Variants in TP53I11 observed in about 807,000 individuals in gnomAD.
TP53I11 encodes the protein tumor protein p53 inducible protein 11.
Under a neutral mutation model 23.3 loss-of-function variants are expected in TP53I11, and 9 were observed. That is an observed-to-expected ratio of 0.39 (90% CI 0.23 to 0.67). The LOEUF (loss-of-function observed/expected upper bound fraction) is 0.67. Among genes scored for constraint, TP53I11 ranks in the 30% least tolerant of loss-of-function variants. The probability of loss-of-function intolerance (pLI) is 0.48; values close to 1 mark genes in which losing one functional copy is unlikely to be tolerated. For synonymous variants in TP53I11, 100 were observed against 106.1 expected, an observed-to-expected ratio of 0.94 and a Z score of 0.35; for missense variants, 170 against 255.2, an observed-to-expected ratio of 0.67 and a Z score of 2.27.
intron 1 of TP53I11, among the ~76,000 whole-genome samples, chr11:44,939,961 C>T (rs532560555): frequency 2.6e-5 from 4 of 152,358 alleles, no homozygotes; most frequent in East Asian, 3.9e-4. Context: ...GTTAATGCTT[C>T]GGTGTGTGCC....
intron 1 of TP53I11, among the ~76,000 whole-genome samples, chr11:44,943,970 C>G (rs1408562658): frequency 6.6e-6 from 1 of 152,140 alleles, no homozygotes; most frequent in East Asian, 1.9e-4. Flanking sequence ...CACATGGAAG[C>G]TGGTGGCATA....
intron 1 of TP53I11, among the ~76,000 whole-genome samples, chr11:44,949,372 C>A (rs1336593105): frequency 6.6e-6 from 1 of 152,102 alleles, no homozygotes; most frequent in Non-Finnish European, 1.5e-5. Flanking sequence ...GACTTCTCCC[C>A]GCAGGCCCGC....
chr11:44,946,532 G>A (rs140248190), intron 1 of TP53I11, among the ~76,000 whole-genome samples: 8 of 152,346 alleles, frequency 5.3e-5, no homozygotes, highest in East Asian at 1.9e-4. Context: ...CGCAGGATGC[G>A]AGTCCCGTGG....
chr11:44,937,735 G>A, intron 2 of TP53I11, 122 bp from the exon 3 acceptor site: 1 of 981,462 alleles, frequency 1.0e-6, no homozygotes, highest in Non-Finnish European at 1.5e-6. Flanking sequence ...TTGGCCAAAG[G>A]TTCCCCCAGG....
In TP53I11 at chr11:44,934,358, G is replaced by A; in HGVS notation, c.*526C>T. ...GTTGTGTGTCTGTGTGTGTTTTCAG[G>A]GTGTGCATGTGGAGAGGGCCAGATT... On this transcript the variant is annotated 3_prime_UTR_variant, in exon 7 of 7. Transcript: ENST00000525680. 1 of 171,566 alleles carries A rather than the reference G, an allele frequency of 5.8e-6. No individual in the cohort carries two copies. The highest frequency in any genetic ancestry group is 1.3e-5 in the Non-Finnish European group (1 of 78,040). 10.6% of individuals were successfully genotyped at this position (171,566 alleles called of 1,614,324 possible).
Position 44,934,790 on chromosome 11 carries a change from G to A in TP53I11, c.*94C>T. The A allele has an allele frequency of 6.4e-7, 1 of 1,555,642 alleles. No individual in the cohort carries two copies. Among genetic ancestry groups the A allele is most frequent in the Non-Finnish European group, 8.7e-7 (1 of 1,146,842 alleles). On this transcript the variant is annotated 3_prime_UTR_variant, in exon 7 of 7. Transcript: ENST00000525680. The stretch of plus-strand genomic sequence containing the variant: ...CCTGGGGCAGGACTGGGGCAGGGCA[G>A]GGGACCCTCCTGCCTTCCAGGAGCC...
At position 44,936,743 on chromosome 11, in the gene TP53I11, C is replaced by A; in HGVS notation, c.334+60G>T. The A allele has an allele frequency of 6.9e-7, 1 of 1,455,118 alleles. No individual in the cohort carries two copies. Among genetic ancestry groups the A allele is most frequent in the South Asian group, 1.4e-5 (1 of 70,230 alleles). 90.1% of individuals were successfully genotyped at this position (1,455,118 alleles called of 1,614,324 possible). A position where few individuals can be genotyped will look rare whatever the true frequency, so the allele number is the denominator to read the frequency against. On this transcript the variant is annotated intron_variant, in intron 5 of 6. Coordinates refer to ENST00000525680, the MANE Select transcript of TP53I11 (RefSeq NM_006034.5). This position sits in a 1 kb window ranked among gnomAD's most constrained non-coding sequence, Gnocchi z 4.4. ...GCACGGACCCCCGTGCTCTCCTCAG[C>A]CCCGCTGGGTCTCCCAGCTGCCCGT...
chr11:44,945,009 G>A (rs1021032035), intron 1 of TP53I11, among the ~76,000 whole-genome samples: 2 of 152,224 alleles, frequency 1.3e-5, no homozygotes, highest in Non-Finnish European at 1.5e-5. Context: ...TGCCCGTGAG[G>A]GCTGGCTTAG....
intron 1 of TP53I11, among the ~76,000 whole-genome samples, chr11:44,945,574 CG>C (rs1332333348): frequency 1.3e-5 from 2 of 152,030 alleles, no homozygotes; most frequent in Non-Finnish European, 2.9e-5. Context: ...CCCTGGTGGT[CG>C]CCAGCATCTG....
At chr11:44,946,339 G>C (rs1437226029) in intron 1 of TP53I11, among the ~76,000 whole-genome samples, 1 of 152,212 alleles carries the variant, frequency 6.6e-6, no homozygotes, top group Non-Finnish European at 1.5e-5. Context: ...CATCCCTCGA[G>C]AGCATCATTA....
chr11:44,940,833 A>G (rs1286997076), intron 1 of TP53I11: 1 of 152,200 alleles, frequency 6.6e-6, no homozygotes, highest in Non-Finnish European at 1.5e-5. Flanking sequence ...TGTTTCCCAG[A>G]GCAGCCATGC....
At position 44,937,592 on chromosome 11, in the gene TP53I11, C is replaced by A; in HGVS notation, c.151G>T (p.Glu51Ter). Residue 51 changes from glutamate (E) to a stop codon, truncating the protein, a stop_gained, in exon 3 of 7, where the codon GAA becomes TAA. Coordinates refer to ENST00000525680, the MANE Select transcript of TP53I11 (RefSeq NM_006034.5). LOFTEE classifies it high-confidence loss of function. ...GGCTCCCGAATGGTAAACTTGATTTCATTGCCTAAGACCTGGCTGATCTGT... is the reference window on the plus strand; with the variant it reads ...GGCTCCCGAATGGTAAACTTGATTTAATTGCCTAAGACCTGGCTGATCTGT... ...RSKISQVLGN[E>*]IKFTIREPLG... 6.2e-7 allele frequency: 1 copy of A among 1,613,692 alleles called. No homozygotes were observed. Among genetic ancestry groups the A allele is most frequent in the South Asian group, 1.1e-5 (1 of 91,022 alleles).
intron 1 of TP53I11, among the ~76,000 whole-genome samples, chr11:44,942,852 G>A (rs1308155871): frequency 1.3e-5 from 2 of 152,144 alleles, no homozygotes; most frequent in Non-Finnish European, 2.9e-5. Context: ...GCCCTGCAAT[G>A]ATCAGATCCA....
Position 44,936,819 on chromosome 11 carries a change from G to A in TP53I11, c.318C>T (p.Tyr106=), listed in dbSNP as rs759217961. ...AGTACTCACTGAGGAGGGCACCGCC[G>A]TAGAGGCGGATGGGGGTCTTGCTGG... The part of the protein sequence containing the change: ...QVTSKTPIRL[Y]GGALLSISLI... The change falls in exon 5 of 7, where the codon TAC becomes TAT. Residue 106 remains tyrosine, a synonymous_variant. Transcript: ENST00000525680. This position sits in a 1 kb window ranked among gnomAD's most constrained non-coding sequence, Gnocchi z 4.4. 3.7e-6 allele frequency: 6 copies of A among 1,604,154 alleles called. No individual in the cohort carries two copies. The highest frequency in any genetic ancestry group is 3.5e-4 in the Middle Eastern group (2 of 5,744).
chr11:44,945,924 A>T (rs1862349983), intron 1 of TP53I11, among the ~76,000 whole-genome samples: 1 of 152,096 alleles, frequency 6.6e-6, no homozygotes, highest in South Asian at 2.1e-4. Flanking sequence ...GAGTCTAGAG[A>T]TCCCCTAGCC....
In TP53I11 at chr11:44,934,858, G is replaced by A. The variant is rs780633802; in HGVS notation, c.*26C>T. On this transcript the variant is annotated 3_prime_UTR_variant, in exon 7 of 7. Coordinates refer to ENST00000525680, the MANE Select transcript of TP53I11 (RefSeq NM_006034.5). ...CCAGCGCCACTCTGGCCCAGGCATG[G>A]GCAGGGCCCCAGGCCCAGCGGGCAA... 6.2e-7 allele frequency: 1 copy of A among 1,613,480 alleles called. No individual in the cohort carries two copies. Among genetic ancestry groups the A allele is most frequent in the South Asian group, 1.1e-5 (1 of 91,080 alleles).
intron 2 of TP53I11, 40 bp downstream of exon 2, chr11:44,938,167 C>T (rs1368981318): frequency 1.3e-6 from 2 of 1,591,098 alleles, no homozygotes; most frequent in East Asian, 2.3e-5. Context: ...TCAGCCTGGC[C>T]TCCCCAGTGG....
Position 44,933,439 on chromosome 11 carries a change from C to T in TP53I11, c.*1445G>A, listed in dbSNP as rs191227447. On this transcript the variant is annotated 3_prime_UTR_variant, in exon 7 of 7. Coordinates refer to ENST00000525680, the MANE Select transcript of TP53I11 (RefSeq NM_006034.5). ...GGGCTGCTTTTCTCCCTACACCTGT[C>T]CCCAGGGCTTGGGCTCGCCACTTCC... The T allele has an allele frequency of 2.1e-3, 314 of 152,972 alleles. 1 individual carries two copies. Among genetic ancestry groups the T allele is most frequent in the African/African-American group, 7.2e-3 (298 of 41,590 alleles). The allele number at this position is 152,972 out of a possible 1,614,324, so 9.5% of individuals were successfully genotyped here. A position where few individuals can be genotyped will look rare whatever the true frequency, so the allele number is the denominator to read the frequency against.
At chr11:44,937,078 G>A (rs1206061465) in intron 4 of TP53I11, 179 bp from the exon 5 acceptor site, 2 of 745,194 alleles carry the variant, frequency 2.7e-6, no homozygotes. Context: ...AAAACTCCAG[G>A]GTTCCTGGGA....
Sources: allele counts gnomAD v4.1 joint callset (sites outside exome capture counted in the v4.1 genomes callset), GRCh38; gene constraint gnomAD v4.1.1; non-coding constraint Gnocchi (gnomAD v3.1); transcripts MANE v1.5; gene names NCBI Gene and HGNC (gene_info 2026-07-23, HGNC 2026-07-21).